Variants in CDH23 observed in about 807,000 individuals in gnomAD.
CDH23 encodes the protein cadherin-23.
In CDH23, 189 loss-of-function variants were observed where a neutral mutation model predicts 317.1. The observed-to-expected ratio is 0.60, with a 90% confidence interval of 0.53 to 0.67. CDH23 has a LOEUF of 0.67. Ranked by LOEUF, CDH23 falls within the 30% of genes least tolerant of loss-of-function variation. CDH23 has a pLI of 0.00. For missense variants in CDH23, 4,401 were observed against 4,592.4 expected (o/e 0.96, Z 1.20); for synonymous variants, 1,839 against 1,876.8 (o/e 0.98, Z 0.52).
chr10:71,444,589 A>G (rs992622803), intron 2 of CDH23, among the ~76,000 whole-genome samples: 1 of 152,232 alleles, frequency 6.6e-6, no homozygotes, highest in East Asian at 1.9e-4. Context: ...TAAGTGAGAG[A>G]GGGCAGAATA....
intron 9 of CDH23, among the ~76,000 whole-genome samples, chr10:71,609,950 CCGTGTGTGTGTGTG>C (rs1860761550): frequency 8.5e-6 from 1 of 117,488 alleles, no homozygotes; most frequent in African/African-American, 3.4e-5. Context: ...AAGGACTCCC[CCGTGTGTGTGTGTG>C]TGTGTGTGTG....
intron 9 of CDH23, among the ~76,000 whole-genome samples, chr10:71,589,099 C>A (rs1859283539): frequency 6.6e-6 from 1 of 151,784 alleles, no homozygotes; most frequent in Non-Finnish European, 1.5e-5. Flanking sequence ...CCTCACCCAT[C>A]TTTCTTACAG....
intron 14 of CDH23, among the ~76,000 whole-genome samples, chr10:71,659,623 C>T (rs1213935626): frequency 1.3e-5 from 2 of 152,204 alleles, no homozygotes; most frequent in Non-Finnish European, 2.9e-5. Context: ...ACACTTATCT[C>T]CAGCAAAGCA....
At chr10:71,775,359 C>T (rs915411219) in intron 38 of CDH23, among the ~76,000 whole-genome samples, 1 of 152,082 alleles carries the variant, frequency 6.6e-6, no homozygotes, top group Non-Finnish European at 1.5e-5. Context: ...CCGGGGAGGG[C>T]CTGGAATTAG....
At chr10:71,678,121 G>A (rs1279393391) in intron 16 of CDH23, among the ~76,000 whole-genome samples, 3 of 152,156 alleles carry the variant, frequency 2.0e-5, no homozygotes, top group Non-Finnish European at 4.4e-5. Flanking sequence ...TAAATATTAG[G>A]TCAGAATTTA....
chr10:71,693,668 AC>A (rs1865267942), intron 20 of CDH23, among the ~76,000 whole-genome samples: 1 of 152,048 alleles, frequency 6.6e-6, no homozygotes, highest in Non-Finnish European at 1.5e-5. Flanking sequence ...AATTAAATTA[AC>A]CCCACAATAG....
intron 9 of CDH23, among the ~76,000 whole-genome samples, chr10:71,615,036 A>G (rs1472895733): frequency 2.6e-5 from 4 of 152,238 alleles, no homozygotes; most frequent in Non-Finnish European, 5.9e-5. Flanking sequence ...AAAAAATTAG[A>G]ATAGAATATA....
intron 3 of CDH23, among the ~76,000 whole-genome samples, chr10:71,507,686 C>T (rs1402223896): frequency 6.6e-6 from 1 of 152,096 alleles, no homozygotes; most frequent in African/African-American, 2.4e-5. Flanking sequence ...AGAGCGAGAC[C>T]CTGCCACCCA....
intron 48 of CDH23, chr10:71,795,539 T>C (rs1291374746): frequency 1.3e-5 from 2 of 152,680 alleles, no homozygotes; most frequent in Middle Eastern, 2.9e-3. Flanking sequence ...CAGTGTCTTC[T>C]CTGCCCCCTC....
At chr10:71,796,965 C>G (rs1254684467) in intron 48 of CDH23, 139 bp from the exon 49 acceptor site, 1 of 622,544 alleles carries the variant, frequency 1.6e-6, no homozygotes, top group East Asian at 2.9e-5. Context: ...TGTGGGCCCA[C>G]CCCAGCCACA....
intron 6 of CDH23, among the ~76,000 whole-genome samples, chr10:71,544,036 C>T (rs1249399739): frequency 6.6e-6 from 1 of 152,224 alleles, no homozygotes; most frequent in Non-Finnish European, 1.5e-5. Context: ...TTTAAAGGGC[C>T]AGCCTCGTCC....
chr10:71,783,797 C>T (rs1002575584), intron 41 of CDH23, among the ~76,000 whole-genome samples: 2 of 152,256 alleles, frequency 1.3e-5, no homozygotes, highest in Non-Finnish European at 2.9e-5. Flanking sequence ...CCGGTGCCTG[C>T]GCATTCACCA....
intron 42 of CDH23, 80 bp downstream of exon 42, chr10:71,784,500 C>T (rs1047698855): frequency 2.1e-5 from 32 of 1,544,294 alleles, no homozygotes; most frequent in Non-Finnish European, 2.7e-5. Context: ...ACATTGTTAC[C>T]CTTGTGCCAA....
Position 71,705,384 on chromosome 10 carries a change from A to T in CDH23, c.2953+254A>T, listed in dbSNP as rs111298685. ...TGGACCTGCTGCCAAAGCCCCATCA[A>T]CCCCACCCCTCCTAGCCTCTGATCG... On this transcript the variant is annotated intron_variant, in intron 25 of 69. Coordinates refer to ENST00000224721, the MANE Select transcript of CDH23 (RefSeq NM_022124.6). Among the ~76,000 whole-genome samples the T allele has an allele frequency of 6.5e-3, 988 of 151,992 alleles. 15 individuals carry two copies. Among genetic ancestry groups the T allele is most frequent in the African/African-American group, 0.023 (939 of 41,432 alleles).
At chr10:71,737,177 C>T (rs1375593560) in intron 34 of CDH23, among the ~76,000 whole-genome samples, 1 of 152,144 alleles carries the variant, frequency 6.6e-6, no homozygotes, top group Non-Finnish European at 1.5e-5. Context: ...CAGGGAACTC[C>T]ATAGCAAAAC....
intron 50 of CDH23, 108 bp from the exon 51 acceptor site, chr10:71,799,003 C>T: frequency 1.8e-6 from 2 of 1,094,068 alleles, no homozygotes; most frequent in Non-Finnish European, 2.6e-6. Context: ...CACCCTCCTT[C>T]AAGTGACCAC....
At chr10:71,699,547 C>T (rs560177027) in intron 22 of CDH23, among the ~76,000 whole-genome samples, 3 of 152,338 alleles carry the variant, frequency 2.0e-5, no homozygotes, top group African/African-American at 4.8e-5. Context: ...TGTGCGCTGG[C>T]GGAGTGGCCG....
chr10:71,479,515 C>T (rs1230643581), intron 3 of CDH23, among the ~76,000 whole-genome samples: 5 of 152,172 alleles, frequency 3.3e-5, no homozygotes, highest in African/African-American at 4.8e-5. Flanking sequence ...ACACAACAGG[C>T]TCTCTTGAGC....
Position 71,690,506 on chromosome 10 carries a change from C to A in CDH23, c.2098C>A (p.Arg700Ser), listed in dbSNP as rs776179827. 8.7e-6 allele frequency: 14 copies of A among 1,611,054 alleles called. No individual in the cohort carries two copies. The highest frequency in any genetic ancestry group is 1.2e-5 in the Non-Finnish European group (14 of 1,178,796). Residue 700 changes from arginine (R) to serine (S), a missense_variant, in exon 20 of 70, where the codon CGC (arginine) becomes AGC (serine). Arg to Ser is a moderately radical substitution (Grantham distance 110). Transcript: ENST00000224721. ...GTTCCTGAATGCCACAGACCTGGACCGCTCCCGGGAGTACGGCCAGGAGTC... is the reference window on the plus strand; with the variant it reads ...GTTCCTGAATGCCACAGACCTGGACAGCTCCCGGGAGTACGGCCAGGAGTC... ...VLFLNATDLD[R>S]SREYGQESII...
Sources: allele counts gnomAD v4.1 joint callset (sites outside exome capture counted in the v4.1 genomes callset), GRCh38; gene constraint gnomAD v4.1.1; transcripts MANE v1.5; gene names NCBI Gene and HGNC (gene_info 2026-07-23, HGNC 2026-07-21).